The following PLEKHA5 variants were observed in gnomAD, a reference collection of about 807,000 sequenced individuals.
PLEKHA5 encodes the protein pleckstrin homology domain-containing family A member 5.
A neutral mutation model predicts 181.9 loss-of-function variants in PLEKHA5; 55 were observed. The observed-to-expected ratio is 0.30, with a 90% CI of 0.24 to 0.38. PLEKHA5 has a LOEUF of 0.38. Ranked by LOEUF, PLEKHA5 falls within the 10% of genes least tolerant of loss-of-function variation. The probability of loss-of-function intolerance (pLI) is 1.00; values close to 1 mark genes in which losing one functional copy is unlikely to be tolerated. For missense variants in PLEKHA5, 1,432 were observed against 1,549.5 expected (o/e 0.92, Z 1.27); for synonymous variants, 535 against 529.4 (o/e 1.01, Z -0.15).
At chr12:19,163,420 G>A (rs113976699) in intron 3 of PLEKHA5, among the ~76,000 whole-genome samples, 5,834 of 151,988 alleles carry the variant, frequency 0.038, 363 homozygotes, top group African/African-American at 0.13. Context: ...CTCGTGATCC[G>A]CCCACCTCGG....
At chr12:19,298,852 G>C (rs530823886) in intron 15 of PLEKHA5, among the ~76,000 whole-genome samples, 18 of 152,308 alleles carry the variant, frequency 1.2e-4, no homozygotes, top group Admixed American at 4.6e-4. Context: ...CAGCACTCTT[G>C]CTTTACTATT....
At chr12:19,309,723 C>T (rs772902278) in intron 15 of PLEKHA5, among the ~76,000 whole-genome samples, 19 of 150,536 alleles carry the variant, frequency 1.3e-4, no homozygotes, top group Non-Finnish European at 2.2e-4. Context: ...CCAGCCTGGG[C>T]GACAGAGTGA....
intron 3 of PLEKHA5, among the ~76,000 whole-genome samples, chr12:19,192,452 C>G (rs192201605): frequency 6.6e-6 from 1 of 152,282 alleles, no homozygotes; most frequent in Non-Finnish European, 1.5e-5. Context: ...AATCCCAGCA[C>G]TTTGGGAGGC....
chr12:19,251,415 A>T (rs2065248469), intron 3 of PLEKHA5, among the ~76,000 whole-genome samples: 1 of 151,880 alleles, frequency 6.6e-6, no homozygotes, highest in South Asian at 2.1e-4. Flanking sequence ...TCAAAAAAAA[A>T]AAAAAAGAAA....
rs2074072217 is a variant in PLEKHA5 at position 19,274,899 on chromosome 12, T to G, written c.1229T>G (p.Val410Gly). Residue 410 changes from valine to glycine, a missense_variant, in exon 11 of 32, where the codon GTC becomes GGC. This residue lies in a region of PLEKHA5 where 1,143 missense variants were observed against 1,168.4 expected (regional missense o/e 0.98). Coordinates refer to ENST00000429027, the MANE Select transcript of PLEKHA5 (RefSeq NM_001256470.2). Reference protein sequence around the residue: ...TGPLYTEADRVIQRTNSMQQL... With the variant: ...TGPLYTEADRGIQRTNSMQQL... Reference sequence around the variant, plus strand: ...CCCTTATACACAGAGGCCGATCGAGTCATACAGAGAACAAATTCAATGCAG... The same window carrying G: ...CCCTTATACACAGAGGCCGATCGAGGCATACAGAGAACAAATTCAATGCAG... 2 of 1,613,804 alleles carry G rather than the reference T, an allele frequency of 1.2e-6. No homozygotes were observed. Among genetic ancestry groups the G allele is most frequent in the Non-Finnish European group, 1.7e-6 (2 of 1,179,970 alleles).
At chr12:19,306,898 C>T in intron 15 of PLEKHA5, 1 of 811,414 alleles carries the variant, frequency 1.2e-6, no homozygotes, top group Non-Finnish European at 2.1e-6. Flanking sequence ...AGGCTTGTCT[C>T]TGTTGGCACC....
intron 15 of PLEKHA5, among the ~76,000 whole-genome samples, chr12:19,302,694 G>A (rs1432511532): frequency 2.0e-5 from 3 of 151,958 alleles, no homozygotes; most frequent in Non-Finnish European, 4.4e-5. Context: ...ACCACCCCCA[G>A]CCTACTGGTG....
chr12:19,251,490 C>G (rs1278191878), intron 3 of PLEKHA5, among the ~76,000 whole-genome samples: 2 of 151,168 alleles, frequency 1.3e-5, no homozygotes, highest in African/African-American at 4.9e-5. Context: ...AGGCAGTGAA[C>G]TGAAGTAGCT....
At chr12:19,365,274 G>A (rs755285360) in intron 29 of PLEKHA5, among the ~76,000 whole-genome samples, 3 of 151,762 alleles carry the variant, frequency 2.0e-5, no homozygotes, top group Non-Finnish European at 4.4e-5. Flanking sequence ...GGCTGAGGCA[G>A]GAGAATGGTG....
intron 3 of PLEKHA5, among the ~76,000 whole-genome samples, chr12:19,163,873 G>A (rs1337879411): frequency 6.6e-6 from 1 of 152,124 alleles, no homozygotes; most frequent in Non-Finnish European, 1.5e-5. Flanking sequence ...ATAGAGAAAA[G>A]TTGGCTGACA....
chr12:19,146,398 T>G (rs1447810856), intron 3 of PLEKHA5, among the ~76,000 whole-genome samples: 1 of 152,252 alleles, frequency 6.6e-6, no homozygotes, highest in East Asian at 1.9e-4. Flanking sequence ...CTTAGTGATT[T>G]ATGTTAGGTA....
chr12:19,292,413 TAAAG>T (rs1480320979), intron 15 of PLEKHA5, among the ~76,000 whole-genome samples: 1 of 151,406 alleles, frequency 6.6e-6, no homozygotes, highest in South Asian at 2.1e-4. Context: ...GTCTTAAAAA[TAAAG>T]AAACAGAGAA....
chr12:19,367,770 A>G (rs1045220851), intron 30 of PLEKHA5, among the ~76,000 whole-genome samples: 3 of 144,396 alleles, frequency 2.1e-5, no homozygotes, highest in African/African-American at 7.8e-5. Flanking sequence ...TTTTTTTTTT[A>G]GTAGAGATAG....
intron 3 of PLEKHA5, among the ~76,000 whole-genome samples, chr12:19,190,751 A>T (rs1157214981): frequency 1.3e-5 from 2 of 152,216 alleles, no homozygotes; most frequent in African/African-American, 4.8e-5. Flanking sequence ...GGTGTGTTTT[A>T]AATGGGTTGT....
chr12:19,220,389 T>C (rs2058753361), intron 3 of PLEKHA5, among the ~76,000 whole-genome samples: 1 of 152,140 alleles, frequency 6.6e-6, no homozygotes, highest in African/African-American at 2.4e-5. Flanking sequence ...GCTTGCAGTC[T>C]GCGTCATTAA....
intron 30 of PLEKHA5, among the ~76,000 whole-genome samples, chr12:19,368,022 T>C (rs2153282474): frequency 6.6e-6 from 1 of 152,000 alleles, no homozygotes. Context: ...AAGCATGGGG[T>C]TCTGGGCAGA....
intron 4 of PLEKHA5, among the ~76,000 whole-genome samples, chr12:19,254,807 A>C (rs1489342574): frequency 1.3e-5 from 2 of 152,234 alleles, no homozygotes; most frequent in African/African-American, 4.8e-5. Context: ...TGAGCAACAG[A>C]GTGAGACTCT....
intron 3 of PLEKHA5, among the ~76,000 whole-genome samples, chr12:19,182,750 T>C (rs1349074129): frequency 6.6e-6 from 1 of 152,220 alleles, no homozygotes; most frequent in Non-Finnish European, 1.5e-5. Context: ...GTATAAGTAC[T>C]GAACCCAACA....
At chr12:19,206,336 T>C (rs1186190729) in intron 3 of PLEKHA5, among the ~76,000 whole-genome samples, 3 of 152,082 alleles carry the variant, frequency 2.0e-5, no homozygotes, top group African/African-American at 4.8e-5. Context: ...TGAACACAAT[T>C]TTGATTATGT....
Sources: allele counts gnomAD v4.1 joint callset (sites outside exome capture counted in the v4.1 genomes callset), GRCh38; gene constraint gnomAD v4.1.1; regional missense constraint gnomAD v4.1.1; transcripts MANE v1.5; gene names NCBI Gene and HGNC (gene_info 2026-07-23, HGNC 2026-07-21).